The following CRTC3 variants were observed in gnomAD, a reference collection of about 807,000 sequenced individuals.
CRTC3 encodes CREB-regulated transcription coactivator 3.
CRTC3 carries 26 observed loss-of-function variants against 74.5 expected under a neutral mutation model. The ratio of observed to expected loss-of-function variants is 0.35; its 90% CI spans 0.26 to 0.48. The LOEUF is 0.48. Ranked by LOEUF, CRTC3 falls within the 20% of genes least tolerant of loss-of-function variation. CRTC3 has a pLI of 0.99. For missense variants in CRTC3, 760 were observed against 787.3 expected (o/e 0.97, Z 0.41); for synonymous variants, 377 against 325.8 (o/e 1.16, Z -1.69).
At chr15:90,572,828 G>C (rs1967306481) in intron 2 of CRTC3, among the ~76,000 whole-genome samples, 1 of 152,072 alleles carries the variant, frequency 6.6e-6, no homozygotes, top group African/African-American at 2.4e-5. Context: ...TGCCCACCTT[G>C]GCCTCCCAAA....
At chr15:90,553,236 C>G (rs575992529) in intron 2 of CRTC3, among the ~76,000 whole-genome samples, 4 of 152,302 alleles carry the variant, frequency 2.6e-5, no homozygotes, top group African/African-American at 9.6e-5. Context: ...ACTACATGCA[C>G]TTTGCAACTC....
intron 10 of CRTC3, among the ~76,000 whole-genome samples, chr15:90,626,400 T>G (rs1332476019): frequency 2.0e-5 from 3 of 152,234 alleles, no homozygotes; most frequent in Non-Finnish European, 4.4e-5. Context: ...ATATTCTGCA[T>G]TTTAGAAAAT....
At chr15:90,576,666 G>GA (rs1481036553) in intron 2 of CRTC3, among the ~76,000 whole-genome samples, 1 of 152,168 alleles carries the variant, frequency 6.6e-6, no homozygotes, top group African/African-American at 2.4e-5. Context: ...AGAGGTAGGA[G>GA]AAAAATGGGA....
At chr15:90,579,060 A>T (rs1339959967) in intron 2 of CRTC3, among the ~76,000 whole-genome samples, 1 of 152,176 alleles carries the variant, frequency 6.6e-6, no homozygotes, top group East Asian at 1.9e-4. Context: ...CAGATCAAAA[A>T]TATTAGAAAA....
At chr15:90,587,898 G>A (rs562300718) in intron 2 of CRTC3, among the ~76,000 whole-genome samples, 2 of 151,556 alleles carry the variant, frequency 1.3e-5, no homozygotes, top group Non-Finnish European at 2.9e-5. Context: ...ACAGGCCTGA[G>A]CCACTATGCC....
rs1010493962 is a variant in CRTC3, at chr15:90,568,988, G to T, written c.232-24648G>T. 1.3e-4 allele frequency among the ~76,000 whole-genome samples: 16 copies of T among 121,290 alleles called. No individual in the cohort carries two copies. In the South Asian group the frequency reaches 4.9e-3, roughly 37 times the overall value. 79.6% of individuals were successfully genotyped at this position (121,290 alleles called of 152,430 possible). A position where few individuals can be genotyped will look rare whatever the true frequency, so the allele number is the denominator to read the frequency against. ...ACAGTATGGTGTAAACAAGTATAAC[G>T]AAACTTTTTTTTTTTTTTTAAAGAG... is the stretch of plus-strand genomic sequence containing the variant. On this transcript the variant is annotated intron_variant, in intron 2 of 14. Transcript: ENST00000268184.
chr15:90,536,258 A>T (rs1035302760), intron 1 of CRTC3, among the ~76,000 whole-genome samples: 4 of 152,112 alleles, frequency 2.6e-5, no homozygotes, highest in Non-Finnish European at 4.4e-5. Context: ...TGCTCTGGCC[A>T]GGTGCCATGG....
At chr15:90,566,406 C>T (rs897544099) in intron 2 of CRTC3, among the ~76,000 whole-genome samples, 6 of 151,770 alleles carry the variant, frequency 4.0e-5, no homozygotes, top group South Asian at 2.1e-4. Flanking sequence ...AAAAATTAGC[C>T]GGGCATGGTG....
chr15:90,619,645 G>T lies in CRTC3; in HGVS notation c.700-96G>T, dbSNP rs1056372602. 3.2e-6 allele frequency: 3 copies of T among 944,656 alleles called. No homozygotes were observed. The Admixed American group carries it at 5.5e-5, about 17-fold the overall frequency. The allele number at this position is 944,656 out of a possible 1,614,324, so 58.5% of individuals were successfully genotyped here. ...TGTCGACACGCAAGCTCTCACTTGC[G>T]CCCACTAGAGCCTCAAGGTCCTTAC... On this transcript the variant is annotated intron_variant, in intron 8 of 14. Coordinates refer to ENST00000268184, the MANE Select transcript of CRTC3 (RefSeq NM_022769.5).
chr15:90,628,918 C>T (rs1294853531), intron 10 of CRTC3, among the ~76,000 whole-genome samples: 3 of 152,154 alleles, frequency 2.0e-5, no homozygotes, highest in African/African-American at 7.2e-5. Context: ...TTCCCTGGGT[C>T]TGGGCCGAGC....
At chr15:90,576,028 C>T (rs192227964) in intron 2 of CRTC3, among the ~76,000 whole-genome samples, 97 of 152,162 alleles carry the variant, frequency 6.4e-4, no homozygotes, top group African/African-American at 2.3e-3. Context: ...ACAAAAAGAC[C>T]AATGACAAGA....
intron 11 of CRTC3, among the ~76,000 whole-genome samples, chr15:90,631,151 C>T (rs544789612): frequency 9.9e-5 from 15 of 152,266 alleles, no homozygotes; most frequent in East Asian, 1.9e-4. Flanking sequence ...CAGAACACAA[C>T]GGAGAGTTAG....
rs532866433 is a variant in CRTC3, at chr15:90,564,371, G to A, written c.231+24234G>A. 1.3e-4 allele frequency among the ~76,000 whole-genome samples: 20 copies of A among 152,236 alleles called. No homozygotes were observed. In the East Asian group the frequency reaches 3.9e-3, roughly 29 times the overall value. The stretch of plus-strand genomic sequence containing the variant: ...TAACCCTATGACATCATTAGGGTTG[G>A]TAGTAGCTGCTCCTTTGCCTTCACA... On this transcript the variant is annotated intron_variant, in intron 2 of 14. Transcript: ENST00000268184.
At chr15:90,579,942 C>T (rs943155763) in intron 2 of CRTC3, among the ~76,000 whole-genome samples, 11 of 152,030 alleles carry the variant, frequency 7.2e-5, no homozygotes, top group Non-Finnish European at 1.3e-4. Flanking sequence ...TGCCCAGACA[C>T]GTATTTTACT....
intron 3 of CRTC3, chr15:90,599,296 T>G (rs1347920636): frequency 6.6e-6 from 1 of 152,188 alleles, no homozygotes; most frequent in African/African-American, 2.4e-5. Context: ...GGCGCTGATG[T>G]GGTTGTTAAA....
intron 1 of CRTC3, among the ~76,000 whole-genome samples, chr15:90,533,062 G>A (rs1269262704): frequency 8.8e-6 from 1 of 113,288 alleles, no homozygotes; most frequent in African/African-American, 3.5e-5. Context: ...TCCAGCCTGG[G>A]CGACAGAGCA....
At chr15:90,580,850 T>G (rs1361058154) in intron 2 of CRTC3, among the ~76,000 whole-genome samples, 1 of 152,182 alleles carries the variant, frequency 6.6e-6, no homozygotes, top group Non-Finnish European at 1.5e-5. Flanking sequence ...AGGGACCAGT[T>G]CTTCCATTTT....
In CRTC3 at chr15:90,576,087, G is replaced by C. The variant is rs8037356; in HGVS notation, c.232-17549G>C. Among the ~76,000 whole-genome samples the C allele has an allele frequency of 1.9e-3, 283 of 152,172 alleles. 1 individual carries two copies. Among genetic ancestry groups the C allele is most frequent in the African/African-American group, 6.5e-3 (269 of 41,498 alleles). ...ATGGATAGATGAGGAGTTGAGGATA[G>C]TATTGGGTTCAAGAGGTGTTTAGAA... On this transcript the variant is annotated intron_variant, in intron 2 of 14. Coordinates refer to ENST00000268184, the MANE Select transcript of CRTC3 (RefSeq NM_022769.5).
At position 90,644,113 on chromosome 15, in the gene CRTC3, T is replaced by A. The variant is rs1969544735; in HGVS notation, c.*1973T>A. 4.4e-6 allele frequency: 1 copy of A among 229,652 alleles called. No homozygotes were observed. The highest frequency in any genetic ancestry group is 1.8e-4 in the South Asian group (1 of 5,504). 14.2% of individuals were successfully genotyped at this position (229,652 alleles called of 1,614,324 possible). Reference sequence around the variant, plus strand: ...AAATCTTTGCTGTGGAATTGGGAAATCAAACCAGAGTCCTCCTCGCCTGAT... The same window carrying A: ...AAATCTTTGCTGTGGAATTGGGAAAACAAACCAGAGTCCTCCTCGCCTGAT... On this transcript the variant is annotated 3_prime_UTR_variant, in exon 15 of 15. Transcript: ENST00000268184.
Sources: allele counts gnomAD v4.1 joint callset (sites outside exome capture counted in the v4.1 genomes callset), GRCh38; gene constraint gnomAD v4.1.1; transcripts MANE v1.5; gene names NCBI Gene and HGNC (gene_info 2026-07-23, HGNC 2026-07-21).